Variants in PLPP2 observed in about 807,000 individuals in gnomAD.
PLPP2 encodes phospholipid phosphatase 2.
A neutral mutation model predicts 35.2 loss-of-function variants in PLPP2; 29 were observed. The observed-to-expected ratio is 0.82, with a 90% CI of 0.61 to 1.12. The LOEUF (loss-of-function observed/expected upper bound fraction) is 1.12, where lower values mean the gene tolerates loss of function less well. PLPP2 is among the 50% of genes most tolerant of loss of function. The pLI, the probability that PLPP2 is intolerant of heterozygous loss-of-function variation, is 0.00. For missense variants in PLPP2, 353 were observed against 375.2 expected (o/e 0.94, Z 0.49); for synonymous variants, 162 against 167.0 (o/e 0.97, Z 0.23).
chr19:287,924 A>G lies in PLPP2; in HGVS notation c.204+96T>C. On this transcript the variant is annotated intron_variant, in intron 2 of 5. Transcript: ENST00000434325. This position sits in a 1 kb window ranked among gnomAD's most constrained non-coding sequence, Gnocchi z 4.3. ...GTCCCCCGGCCCCACACAGACCTCC[A>G]GGGCAGGGCTGTGCCACCCCCCCAT... 8 of 1,527,156 alleles carry G rather than the reference A, an allele frequency of 5.2e-6. No individual in the cohort carries two copies. The highest frequency in any genetic ancestry group is 1.2e-5 in the South Asian group (1 of 81,156). 94.6% of individuals were successfully genotyped at this position (1,527,156 alleles called of 1,614,324 possible).
chr19:287,673 C>T lies in PLPP2; in HGVS notation c.283G>A (p.Val95Ile). The change falls in exon 3 of 6, where the codon GTA becomes ATA. Residue 95 changes from valine (V) to isoleucine (I), a missense_variant. Physicochemically the swap from Val to Ile is conservative, Grantham distance 29. Transcript: ENST00000434325. The surrounding 1 kb of genome is among the most constrained non-coding windows in gnomAD (Gnocchi z 4.3). ...AGGAAGGTCCCCAGCACCTTGTATA[C>T]AGCAGCCACGTAGTTGTTGAAGTCC... Reference protein sequence around the residue: ...RSDFNNYVAAVYKVLGTFLFG... With the variant: ...RSDFNNYVAAIYKVLGTFLFG... 6.2e-7 allele frequency: 1 copy of T among 1,613,962 alleles called. No homozygotes were observed.
At chr19:284,025 G>C (rs920257380) in intron 3 of PLPP2, 6 of 152,184 alleles carry the variant, frequency 3.9e-5, no homozygotes, top group African/African-American at 1.4e-4. Flanking sequence ...TTCCAGAGTT[G>C]CTACATTATA....
At position 282,210 on chromosome 19, in the gene PLPP2, C is replaced by T. The variant is rs375661179; in HGVS notation, c.641G>A (p.Arg214His). 2.0e-5 allele frequency: 32 copies of T among 1,613,720 alleles called. 1 individual carries two copies. Among genetic ancestry groups the T allele is most frequent in the South Asian group, 1.9e-4 (17 of 91,092 alleles). ...CCAGTGGTGTTTGTAATCAGACACG[C>T]GGGTGTAGCCCACGTAGAGGGCAAA... ...VAFALYVGYT[R>H]VSDYKHHWSD... The change falls in exon 5 of 6, where the codon CGC (arginine) becomes CAC (histidine). Residue 214 changes from arginine (R) to histidine (H), a missense_variant. Physicochemically the swap from Arg to His is conservative, Grantham distance 29 (BLOSUM62 0). Coordinates refer to ENST00000434325, the MANE Select transcript of PLPP2 (RefSeq NM_003712.4).
Position 286,357 on chromosome 19 carries a change from C to T in PLPP2, c.482+1117G>A, listed in dbSNP as rs550429733. 3.3e-5 allele frequency: 5 copies of T among 151,660 alleles called. No homozygotes were observed. The East Asian group carries it at 5.8e-4, about 18-fold the overall frequency. The allele number at this position is 151,660 out of a possible 1,614,324, so 9.4% of individuals were successfully genotyped here. A position where few individuals can be genotyped will look rare whatever the true frequency, so the allele number is the denominator to read the frequency against. ...ATTTGGTGGTGTATGCCCGTAGTAC[C>T]AGCTACTTGGAAGGCAGAGGTGGGA... On this transcript the variant is annotated intron_variant, in intron 3 of 5. Transcript: ENST00000434325.
intron 1 of PLPP2, among the ~76,000 whole-genome samples, chr19:290,279 C>T (rs1568204283): frequency 6.6e-6 from 1 of 152,228 alleles, no homozygotes; most frequent in Non-Finnish European, 1.5e-5. Flanking sequence ...GACTCAGCAC[C>T]TCCCTCACAG....
At chr19:282,667 T>C in intron 4 of PLPP2, 85 bp downstream of exon 4, 1 of 1,432,056 alleles carries the variant, frequency 7.0e-7, no homozygotes, top group Non-Finnish European at 9.7e-7. Context: ...CCACCCATTT[T>C]ACAGCTGGAA....
Position 282,758 on chromosome 19 carries a change from G to C in PLPP2, c.534C>G (p.Phe178Leu), listed in dbSNP as rs765351968. ...CCGGGAGAAACAGACTCACCGCCAA[G>C]AACACCATGCAGTACATCCCAAAGG... Reference protein sequence around the residue: ...HSSFGMYCMVFLALYVQARLC... With the variant: ...HSSFGMYCMVLLALYVQARLC... The change falls in exon 4 of 6, where the codon TTC (phenylalanine) becomes TTG (leucine). Residue 178 changes from phenylalanine (F) to leucine (L), a missense_variant. By Grantham distance (22) the Phe-to-Leu change is conservative. Coordinates refer to ENST00000434325, the MANE Select transcript of PLPP2 (RefSeq NM_003712.4). 1.9e-6 allele frequency: 3 copies of C among 1,613,406 alleles called. No homozygotes were observed. In the Admixed American group the frequency reaches 5.0e-5, roughly 27 times the overall value.
Position 291,278 on chromosome 19 carries a change from C to T in PLPP2, c.52+7G>A, listed in dbSNP as rs747360091. 1 of 1,601,634 alleles carries T rather than the reference C, an allele frequency of 6.2e-7. No individual in the cohort carries two copies. The highest frequency in any genetic ancestry group is 1.1e-5 in the South Asian group (1 of 89,524). On this transcript the variant is annotated splice_region_variant and intron_variant, in intron 1 of 5. Coordinates refer to ENST00000434325, the MANE Select transcript of PLPP2 (RefSeq NM_003712.4). The stretch of plus-strand genomic sequence containing the variant: ...CCCCCCAACACCCGGGTCCCCAAGG[C>T]TCTTACCGACCAGTAAGCACAGCAC...
At chr19:290,639 C>T (rs1319829338) in intron 1 of PLPP2, among the ~76,000 whole-genome samples, 1 of 152,202 alleles carries the variant, frequency 6.6e-6, no homozygotes, top group African/African-American at 2.4e-5. Context: ...CCTCGGGATG[C>T]CCATTCCGCC....
chr19:282,292 G>A lies in PLPP2; in HGVS notation c.559C>T (p.Leu187Phe). Residue 187 changes from leucine to phenylalanine, a missense_variant, in exon 5 of 6, where the codon CTC (leucine) becomes TTC (phenylalanine). Leu to Phe is a conservative substitution (Grantham distance 22). Transcript: ENST00000434325. ...VFLALYVQARLCWKWARLLRP... is the reference protein window; with the variant it reads ...VFLALYVQARFCWKWARLLRP... The stretch of plus-strand genomic sequence containing the variant: ...AGCAGCCGTGCCCACTTCCAACAGA[G>A]TCGTGCCTGCACATACAGCTGGAGT... The A allele has an allele frequency of 2.5e-6, 4 of 1,613,758 alleles. No individual in the cohort carries two copies. The highest frequency in any genetic ancestry group is 1.7e-6 in the Non-Finnish European group (2 of 1,179,846).
intron 1 of PLPP2, among the ~76,000 whole-genome samples, chr19:290,470 C>A (rs12979151): frequency 3.9e-5 from 6 of 152,034 alleles, no homozygotes; most frequent in Non-Finnish European, 7.4e-5. Flanking sequence ...GGTCTCCTTC[C>A]GGAGGTAAGA....
In PLPP2 at chr19:287,552, C is replaced by T; in HGVS notation, c.404G>A (p.Trp135Ter). 6.2e-7 allele frequency: 1 copy of T among 1,613,808 alleles called. No individual in the cohort carries two copies. Among genetic ancestry groups the T allele is most frequent in the South Asian group, 1.1e-5 (1 of 91,080 alleles). ...PNFLAVCDPDWSRVNCSVYVQ... is the reference protein window; with the variant it reads ...PNFLAVCDPD ...ATAGACCGAGCAGTTGACCCGGCTC[C>T]AGTCGGGGTCGCAGACGGCTAGGAA... Residue 135 changes from tryptophan (W) to a stop codon, truncating the protein, a stop_gained, in exon 3 of 6, where the codon TGG becomes TAG. Transcript: ENST00000434325. LOFTEE classifies it high-confidence loss of function. The surrounding 1 kb of genome is among the most constrained non-coding windows in gnomAD (Gnocchi z 4.3).
At chr19:286,671 C>CA (rs1970276119) in intron 3 of PLPP2, 1 of 151,684 alleles carries the variant, frequency 6.6e-6, no homozygotes, top group Admixed American at 6.6e-5. Flanking sequence ...AAAAAAAAGT[C>CA]AGAGATCTGG....
chr19:287,328 G>T lies in PLPP2; in HGVS notation c.482+146C>A. The stretch of plus-strand genomic sequence containing the variant: ...ATGGATGAACTTCAAAAACATACAA[G>T]AATGCACTAACTTATACAAAAATTA... On this transcript the variant is annotated intron_variant, in intron 3 of 5. Transcript: ENST00000434325. This position sits in a 1 kb window ranked among gnomAD's most constrained non-coding sequence, Gnocchi z 4.3. The T allele has an allele frequency of 1.0e-6, 1 of 981,260 alleles. No individual in the cohort carries two copies. Among genetic ancestry groups the T allele is most frequent in the Non-Finnish European group, 1.5e-6 (1 of 666,652 alleles). 60.8% of individuals were successfully genotyped at this position (981,260 alleles called of 1,614,324 possible).
chr19:288,220 G>T lies in PLPP2; in HGVS notation c.53-49C>A, dbSNP rs774760708. On this transcript the variant is annotated intron_variant, in intron 1 of 5. Transcript: ENST00000434325. ...AGCTGTGAGGTTCTCTCACCAGCTG[G>T]GCCTTGGGGCCCCACACACCTGCCT... The T allele has an allele frequency of 2.6e-6, 4 of 1,529,808 alleles. No individual in the cohort carries two copies. The East Asian group carries it at 9.2e-5, about 35-fold the overall frequency. The allele number at this position is 1,529,808 out of a possible 1,614,324, so 94.8% of individuals were successfully genotyped here. A position where few individuals can be genotyped will look rare whatever the true frequency, so the allele number is the denominator to read the frequency against.
chr19:289,878 A>G (rs999850878), intron 1 of PLPP2, among the ~76,000 whole-genome samples: 1 of 151,468 alleles, frequency 6.6e-6, no homozygotes, highest in African/African-American at 2.4e-5. Flanking sequence ...CAGGGTTACG[A>G]GATGCCCAGA....
chr19:281,875 C>T (rs1209598092), intron 5 of PLPP2: 1 of 503,482 alleles, frequency 2.0e-6, no homozygotes, highest in South Asian at 2.5e-5. Context: ...GGGAAGGGGT[C>T]CCAGGGGAGG....
chr19:284,335 G>C (rs1196121436), intron 3 of PLPP2: 1 of 143,416 alleles, frequency 7.0e-6, no homozygotes, highest in Admixed American at 7.0e-5. Context: ...CTGGCAATAG[G>C]GTGAGACTCT....
intron 3 of PLPP2, chr19:286,478 A>G (rs1970273415): frequency 6.6e-6 from 1 of 152,098 alleles, no homozygotes; most frequent in Non-Finnish European, 1.5e-5. Flanking sequence ...AAACAAACAA[A>G]AAAAGACAGT....
Sources: gnomAD v4.1 joint callset for allele counts (sites outside exome capture counted in the v4.1 genomes callset) on GRCh38, gnomAD v4.1.1 for gene constraint, Gnocchi (gnomAD v3.1) non-coding constraint, MANE v1.5 for transcripts, NCBI Gene and HGNC (gene_info 2026-07-23, HGNC 2026-07-21) for gene names.